TCF4: variants seen among roughly 807,000 people sequenced by gnomAD.
TCF4 encodes transcription factor 4.
TCF4 carries 3 observed loss-of-function variants against 82.1 expected under a neutral mutation model. The observed-to-expected ratio is 0.04, with a 90% CI of 0.02 to 0.09. The LOEUF (loss-of-function observed/expected upper bound fraction) is 0.09, where lower values mean the gene tolerates loss of function less well. Ranked by LOEUF, TCF4 falls within the 10% of genes least tolerant of loss-of-function variation. The pLI is 1.00. For missense variants in TCF4, 518 were observed against 852.7 expected, an observed-to-expected ratio of 0.61 and a Z score of 4.89; for synonymous variants, 276 against 309.6, an observed-to-expected ratio of 0.89 and a Z score of 1.14.
intron 3 of TCF4, among the ~76,000 whole-genome samples, chr18:55,578,779 T>A (rs1178749674): frequency 6.6e-6 from 1 of 152,012 alleles, no homozygotes; most frequent in Non-Finnish European, 1.5e-5. Context: ...TAAAGGCACA[T>A]CCAACAATGG....
At chr18:55,246,825 G>A (rs2053403808) in intron 15 of TCF4, among the ~76,000 whole-genome samples, 2 of 152,224 alleles carry the variant, frequency 1.3e-5, no homozygotes, top group Admixed American at 1.3e-4. Context: ...GATTAGGAGA[G>A]ATGACAGAAC....
intron 5 of TCF4, among the ~76,000 whole-genome samples, chr18:55,435,671 C>T (rs1254589588): frequency 6.6e-6 from 1 of 152,236 alleles, no homozygotes; most frequent in East Asian, 1.9e-4. Flanking sequence ...GCACAGTCCT[C>T]TCTCTACTTG....
At chr18:55,502,949 C>T (rs2096716135) in intron 3 of TCF4, among the ~76,000 whole-genome samples, 1 of 152,154 alleles carries the variant, frequency 6.6e-6, no homozygotes, top group Non-Finnish European at 1.5e-5. Context: ...TACTTTGATT[C>T]CATGGTAACA....
At chr18:55,257,511 C>T (rs969105079) in intron 13 of TCF4, 120 bp from the exon 14 acceptor site, 23 of 942,336 alleles carry the variant, frequency 2.4e-5, no homozygotes, top group Admixed American at 7.2e-5. Flanking sequence ...TAAACAACAA[C>T]GTAAATACAT....
chr18:55,585,183 AC>A, intron 3 of TCF4, 96 bp downstream of exon 3: 1 of 1,111,828 alleles, frequency 9.0e-7, no homozygotes, highest in Non-Finnish European at 1.4e-6. Context: ...AAATTCAATG[AC>A]TTTTTCAGAA....
chr18:55,287,389 G>T (rs1044950318), intron 8 of TCF4, among the ~76,000 whole-genome samples: 1 of 152,100 alleles, frequency 6.6e-6, no homozygotes, highest in African/African-American at 2.4e-5. Context: ...TTAAACCTGG[G>T]GCTAAATCCT....
rs34773632 is a variant in TCF4, at chr18:55,246,232, CGTGTGT to C, written c.1350+8259_1350+8264del. Among the ~76,000 whole-genome samples the C allele has an allele frequency of 3.0e-4, 44 of 147,756 alleles. No individual in the cohort carries two copies. The East Asian group carries it at 4.0e-3, about 13-fold the overall frequency. On this transcript the variant is annotated intron_variant, in intron 15 of 19. Coordinates refer to ENST00000354452, the MANE Select transcript of TCF4 (RefSeq NM_001083962.2). ...GGTTATAGGGTCTATTTTAAATACA[CGTGTGT>C]GTGTGTGTGTGTGTGTGTGTGTGTA...
At chr18:55,560,373 T>C (rs1235538751) in intron 3 of TCF4, among the ~76,000 whole-genome samples, 1 of 152,254 alleles carries the variant, frequency 6.6e-6, no homozygotes, top group Admixed American at 6.5e-5. Flanking sequence ...TAACATTTAT[T>C]GAGCTCTTAG....
chr18:55,299,933 G>A (rs1419448365), intron 8 of TCF4, among the ~76,000 whole-genome samples: 1 of 152,108 alleles, frequency 6.6e-6, no homozygotes, highest in Admixed American at 6.5e-5. Flanking sequence ...AATGCTCATA[G>A]AGACACACAT....
rs1283778374 is a variant in TCF4 at position 55,362,425 on chromosome 18, GGAAGGAAGGAAA to G, written c.370-11434_370-11423del. Among the ~76,000 whole-genome samples the G allele has an allele frequency of 5.1e-5, 7 of 136,908 alleles. 1 individual carries two copies. Among genetic ancestry groups the G allele is most frequent in the African/African-American group, 8.2e-5 (3 of 36,476 alleles). 89.8% of individuals were successfully genotyped at this position (136,908 alleles called of 152,430 possible). ...AGGAAGGAAGGAAGGAAGGAAGGAA[GGAAGGAAGGAAA>G]AAAAAAAAGAAGAAAACATGTATCT... On this transcript the variant is annotated intron_variant, in intron 6 of 19. Coordinates refer to ENST00000354452, the MANE Select transcript of TCF4 (RefSeq NM_001083962.2).
intron 5 of TCF4, among the ~76,000 whole-genome samples, chr18:55,417,087 C>A (rs1351194717): frequency 6.6e-6 from 1 of 152,230 alleles, no homozygotes. Flanking sequence ...GGGAACTCAG[C>A]AAATGCATCA....
intron 5 of TCF4, among the ~76,000 whole-genome samples, chr18:55,456,145 T>C (rs1603480411): frequency 6.6e-6 from 1 of 152,214 alleles, no homozygotes; most frequent in East Asian, 1.9e-4. Context: ...CGAATTATAA[T>C]GAGCTAGCAG....
intron 2 of TCF4, among the ~76,000 whole-genome samples, chr18:55,623,920 T>C (rs1012880355): frequency 2.6e-5 from 4 of 152,218 alleles, no homozygotes; most frequent in African/African-American, 9.6e-5. Flanking sequence ...ATTCAGAGGA[T>C]ATTGCAATAT....
rs556930295 is a variant in TCF4, at chr18:55,609,045, A to C, written c.287-21909T>G. On this transcript the variant is annotated intron_variant, in intron 2 of 20. Coordinates refer to the TCF4 transcript ENST00000398339. Reference sequence around the variant, plus strand: ...AGGCTCTTTCTCTCTGTTCTCTGCTATATGAAGATACAATGAGAAGACAGC... The same window carrying C: ...AGGCTCTTTCTCTCTGTTCTCTGCTCTATGAAGATACAATGAGAAGACAGC... Among the ~76,000 whole-genome samples, 29 of 152,282 alleles carry C rather than the reference A, an allele frequency of 1.9e-4. No homozygotes were observed. In the South Asian group the frequency reaches 6.0e-3, roughly 32 times the overall value.
intron 8 of TCF4, among the ~76,000 whole-genome samples, chr18:55,340,063 C>T (rs1487429832): frequency 6.6e-6 from 1 of 152,146 alleles, no homozygotes; most frequent in African/African-American, 2.4e-5. Context: ...TTCAGTTTTG[C>T]GGGGGGATCT....
At chr18:55,299,451 CTTTTTTTTT>C (rs113065305) in intron 8 of TCF4, among the ~76,000 whole-genome samples, 3 of 116,788 alleles carry the variant, frequency 2.6e-5, no homozygotes, top group African/African-American at 9.6e-5. Flanking sequence ...CATGTTTCTG[CTTTTTTTTT>C]TTTTTTTTTG....
chr18:55,242,329 A>T (rs1345480852), intron 15 of TCF4, among the ~76,000 whole-genome samples: 1 of 152,216 alleles, frequency 6.6e-6, no homozygotes, highest in Non-Finnish European at 1.5e-5. Context: ...ATTTGTGGGC[A>T]TCCCATCCCA....
At chr18:55,370,024 G>A (rs1351703546) in intron 6 of TCF4, among the ~76,000 whole-genome samples, 1 of 152,224 alleles carries the variant, frequency 6.6e-6, no homozygotes, top group Non-Finnish European at 1.5e-5. Context: ...TCCCATCGTG[G>A]AGGGCAGGCC....
At chr18:55,327,808 C>T (rs558679427) in intron 8 of TCF4, among the ~76,000 whole-genome samples, 1 of 152,238 alleles carries the variant, frequency 6.6e-6, no homozygotes, top group African/African-American at 2.4e-5. Context: ...ATTATAAAAA[C>T]TCACACAGAC....
Sources: gnomAD v4.1 joint callset for allele counts (sites outside exome capture counted in the v4.1 genomes callset) on GRCh38, gnomAD v4.1.1 for gene constraint, MANE v1.5 for transcripts, NCBI Gene and HGNC (gene_info 2026-07-23, HGNC 2026-07-21) for gene names.